The following SORBS2 variants were observed in gnomAD, a reference collection of about 807,000 sequenced individuals.
SORBS2 encodes sorbin and SH3 domain containing 2.
A neutral mutation model predicts 97.7 loss-of-function variants in SORBS2; 46 were observed. The observed-to-expected ratio is 0.47, with a 90% CI of 0.37 to 0.60. SORBS2 has a LOEUF of 0.60. Ranked by LOEUF, SORBS2 falls within the 20% of genes least tolerant of loss-of-function variation. The probability of loss-of-function intolerance (pLI) is 0.00; values close to 1 mark genes in which losing one functional copy is unlikely to be tolerated. For missense variants in SORBS2, 1,316 were observed against 1,282.3 expected (o/e 1.03, Z -0.40); for synonymous variants, 476 against 473.4 (o/e 1.01, Z -0.07).
chr4:185,626,609 A>C (rs2096820227), intron 6 of SORBS2, among the ~76,000 whole-genome samples: 1 of 152,198 alleles, frequency 6.6e-6, no homozygotes, highest in African/African-American at 2.4e-5. Flanking sequence ...TGGGGGAAAA[A>C]AGCATTAGCA....
At chr4:185,638,091 C>T in intron 4 of SORBS2, 1 of 1,601,594 alleles carries the variant, frequency 6.2e-7, no homozygotes, top group Non-Finnish European at 8.6e-7. Context: ...GGCGTCCAAA[C>T]TCCAGTTCTG....
intron 2 of SORBS2, among the ~76,000 whole-genome samples, chr4:185,699,793 G>T (rs1297722473): frequency 6.6e-6 from 1 of 152,152 alleles, no homozygotes; most frequent in African/African-American, 2.4e-5. Flanking sequence ...AATAAAGACA[G>T]ATATCTTCCA....
At position 185,801,690 on chromosome 4, in the gene SORBS2, C is replaced by G. The variant is rs201024085; in HGVS notation, c.-337-26324G>C. On this transcript the variant is annotated intron_variant, in intron 1 of 20. Coordinates refer to the SORBS2 transcript ENST00000284776. ...CATCTCTCTCTCTCTCTCTCTCTCT[C>G]TGTGTGTGATGCTCTTGAGTTGTAA... 2.3e-3 allele frequency among the ~76,000 whole-genome samples: 323 copies of G among 142,596 alleles called. 4 individuals carry two copies. The East Asian group carries it at 0.03, about 13-fold the overall frequency. 93.5% of individuals were successfully genotyped at this position (142,596 alleles called of 152,430 possible). A position where few individuals can be genotyped will look rare whatever the true frequency, so the allele number is the denominator to read the frequency against.
intron 2 of SORBS2, among the ~76,000 whole-genome samples, chr4:185,707,099 T>C (rs2098355125): frequency 6.6e-6 from 1 of 152,226 alleles, no homozygotes; most frequent in African/African-American, 2.4e-5. Flanking sequence ...TTACAGATAT[T>C]ACATGTATAT....
At chr4:185,657,016 G>A (rs2097418452), upstream of SORBS2, 1 of 816,992 alleles carries the variant, frequency 1.2e-6, no homozygotes, top group Non-Finnish European at 1.5e-6. Flanking sequence ...TTCAAAAAAC[G>A]AACACATCAC....
At chr4:185,630,358 AT>A (rs1377452603) in intron 5 of SORBS2, among the ~76,000 whole-genome samples, 190 bp downstream of exon 17, 3 of 152,184 alleles carry the variant, frequency 2.0e-5, no homozygotes, top group African/African-American at 7.2e-5. Context: ...TAGTTCACTA[AT>A]TTTTTAGAAA....
At chr4:185,891,729 C>A (rs996746632) in intron 1 of SORBS2, among the ~76,000 whole-genome samples, 1 of 152,196 alleles carries the variant, frequency 6.6e-6, no homozygotes, top group Non-Finnish European at 1.5e-5. Flanking sequence ...CTATCTCCTA[C>A]GTGCTGTGGC....
chr4:185,860,646 G>A (rs963466718), intron 1 of SORBS2, among the ~76,000 whole-genome samples: 2 of 152,124 alleles, frequency 1.3e-5, no homozygotes, highest in African/African-American at 4.8e-5. Context: ...GCTACAGCTT[G>A]GTTTTATACA....
intron 12 of SORBS2, among the ~76,000 whole-genome samples, chr4:185,599,595 C>CGGAA (rs1300316934): frequency 6.6e-6 from 1 of 152,098 alleles, no homozygotes; most frequent in East Asian, 1.9e-4. Flanking sequence ...CAAACATGAC[C>CGGAA]GGAAGTGTGT....
intron 2 of SORBS2, chr4:185,773,783 A>C (rs942692847): frequency 6.6e-6 from 1 of 152,242 alleles, no homozygotes; most frequent in African/African-American, 2.4e-5. Context: ...CAAATGTCAC[A>C]CACACCTGTG....
exon 7 of SORBS2, chr4:185,624,264 C>G (rs1244502097): frequency 6.2e-7 from 1 of 1,614,072 alleles, no homozygotes; most frequent in East Asian, 2.2e-5. Flanking sequence ...AGGAGATCGT[C>G]ACAGCTCCGG....
At chr4:185,817,418 G>C (rs1213675495) in intron 1 of SORBS2, among the ~76,000 whole-genome samples, 1 of 152,142 alleles carries the variant, frequency 6.6e-6, no homozygotes, top group Admixed American at 6.5e-5. Flanking sequence ...ATAATGATAA[G>C]CTTAAAAAGC....
chr4:185,645,502 T>C (rs1339527101), intron 4 of SORBS2: 1 of 152,158 alleles, frequency 6.6e-6, no homozygotes, highest in Non-Finnish European at 1.5e-5. Flanking sequence ...GTATGAATTA[T>C]CTGATGATAA....
At chr4:185,599,061 C>T (rs530182325) in intron 12 of SORBS2, among the ~76,000 whole-genome samples, 12 of 152,310 alleles carry the variant, frequency 7.9e-5, no homozygotes, top group Admixed American at 6.5e-4. Context: ...CAACACAAAG[C>T]TCTGCCTCAG....
At chr4:185,927,874 A>G (rs1252379703) in intron 1 of SORBS2, among the ~76,000 whole-genome samples, 1 of 152,176 alleles carries the variant, frequency 6.6e-6, no homozygotes, top group African/African-American at 2.4e-5. Context: ...CACAAGTCCT[A>G]TCATTTTCAT....
Position 185,938,389 on chromosome 4 carries a change from T to TACACACACACACACACACAC in SORBS2, c.-338+17787_-338+17806dup, listed in dbSNP as rs34337257. 1.5e-4 allele frequency among the ~76,000 whole-genome samples: 21 copies of TACACACACACACACACACAC among 136,520 alleles called. No homozygotes were observed. The East Asian group carries it at 1.6e-3, about 10-fold the overall frequency. The allele number at this position is 136,520 out of a possible 152,430, so 89.6% of individuals were successfully genotyped here. ...TCTCACCCAGAAAAATGTAGACACATACACACACACACACACACACACACA... is the reference window on the plus strand; with the variant it reads ...TCTCACCCAGAAAAATGTAGACACATACACACACACACACACACACACACACACACACACACACACACACA... On this transcript the variant is annotated intron_variant, in intron 1 of 20. Transcript: ENST00000284776.
chr4:185,793,708 G>GAT (rs2153649748), intron 1 of SORBS2, among the ~76,000 whole-genome samples: 1 of 152,164 alleles, frequency 6.6e-6, no homozygotes, highest in African/African-American at 2.4e-5. Context: ...CATCTCTGGG[G>GAT]ATTTTTTTTA....
chr4:185,839,564 G>A (rs2099210246), intron 1 of SORBS2, among the ~76,000 whole-genome samples: 1 of 152,154 alleles, frequency 6.6e-6, no homozygotes, highest in Non-Finnish European at 1.5e-5. Flanking sequence ...TAGGGAGGAG[G>A]CCTGGGGAGA....
rs781230874 is a variant in SORBS2, at chr4:185,785,187, T to C, written c.-337-9821A>G. Among the ~76,000 whole-genome samples the C allele has an allele frequency of 4.8e-4, 72 of 149,344 alleles. 1 individual carries two copies. Among genetic ancestry groups the C allele is most frequent in the Non-Finnish European group, 7.3e-4 (49 of 67,542 alleles). On this transcript the variant is annotated intron_variant, in intron 1 of 20. Coordinates refer to the SORBS2 transcript ENST00000284776. ...AGAAAAAGCAATTTTGAAAAGGTTA[T>C]TCAAGGCCATAAGGTATTGACTTTG...
Sources: gnomAD v4.1 joint callset for allele counts (sites outside exome capture counted in the v4.1 genomes callset) on GRCh38, gnomAD v4.1.1 for gene constraint, MANE v1.5 for transcripts, NCBI Gene and HGNC (gene_info 2026-07-23, HGNC 2026-07-21) for gene names.